CENPK: variants seen among roughly 807,000 people sequenced by gnomAD.
The protein encoded by CENPK is SoxLZ/Sox6-binding protein Solt.
CENPK carries 46 observed loss-of-function variants against 40.9 expected under a neutral mutation model. That is an observed-to-expected ratio of 1.13 (90% CI 0.89 to 1.44). The LOEUF is 1.44. Among genes scored for constraint, CENPK ranks in the 40% most tolerant of loss-of-function variants. CENPK has a pLI of 0.00. For synonymous variants in CENPK, 107 were observed against 104.4 expected (o/e 1.02, Z -0.15); for missense variants, 288 against 303.5 (o/e 0.95, Z 0.38).
intron 5 of CENPK, among the ~76,000 whole-genome samples, chr5:65,548,006 AAAG>A (rs1481902433): frequency 6.6e-6 from 1 of 152,214 alleles, no homozygotes; most frequent in Non-Finnish European, 1.5e-5. Context: ...ATAAGCCTAC[AAAG>A]AAGACTAAGA....
rs1401876701 is a variant in CENPK, at chr5:65,561,501, A to C, written c.-78T>G. 2 of 455,930 alleles carry C rather than the reference A, an allele frequency of 4.4e-6. No homozygotes were observed. The highest frequency in any genetic ancestry group is 4.0e-5 in the African/African-American group (2 of 50,060). The allele number at this position is 455,930 out of a possible 1,614,324, so 28.2% of individuals were successfully genotyped here. On this transcript the variant is annotated 5_prime_UTR_variant, in exon 2 of 11. Transcript: ENST00000396679. ...AAGATGTAAGCTGTATGTAACCTGGAAGAGGGTCATCAACAGAACCAGAAA... is the reference window on the plus strand; with the variant it reads ...AAGATGTAAGCTGTATGTAACCTGGCAGAGGGTCATCAACAGAACCAGAAA...
chr5:65,500,623 T>C, the CENPK span, among the ~76,000 whole-genome samples: 1 of 152,156 alleles, frequency 6.6e-6, no homozygotes, highest in Non-Finnish European at 1.5e-5. Flanking sequence ...TTGTCTCTGT[T>C]AATCAGATTA....
intron 6 of CENPK, among the ~76,000 whole-genome samples, chr5:65,532,722 C>A (rs958750702): frequency 6.6e-6 from 1 of 151,320 alleles, no homozygotes; most frequent in Non-Finnish European, 1.5e-5. Flanking sequence ...CCAGCCTGAC[C>A]AACATGGAGA....
chr5:65,500,666 TTTTG>T, the CENPK span, among the ~76,000 whole-genome samples: 13 of 152,176 alleles, frequency 8.5e-5, no homozygotes, highest in South Asian at 2.1e-4. Flanking sequence ...TTTTTCGGTT[TTTTG>T]TTTGTTTGTT....
downstream of CENPK, among the ~76,000 whole-genome samples, chr5:65,516,652 T>C (rs564099260): frequency 6.6e-6 from 1 of 152,230 alleles, no homozygotes; most frequent in Admixed American, 6.5e-5. Context: ...AGTATCTGCA[T>C]TTTTTGTATA....
intron 2 of CENPK, among the ~76,000 whole-genome samples, chr5:65,556,603 C>A (rs1220265045): frequency 6.6e-6 from 1 of 152,080 alleles, no homozygotes; most frequent in Admixed American, 6.5e-5. Flanking sequence ...AAACTTACAG[C>A]AAGCTAAGGT....
intron 6 of CENPK, among the ~76,000 whole-genome samples, chr5:65,532,461 C>A (rs1254764152): frequency 1.3e-5 from 2 of 152,106 alleles, no homozygotes; most frequent in Non-Finnish European, 2.9e-5. Context: ...AAGAAAACCA[C>A]AGACCAATAT....
intron 10 of CENPK, among the ~76,000 whole-genome samples, chr5:65,520,813 T>C (rs1450819024): frequency 1.3e-5 from 2 of 152,206 alleles, no homozygotes; most frequent in Admixed American, 6.5e-5. Context: ...TACCCTGTTC[T>C]TCATAAATTA....
intron 5 of CENPK, among the ~76,000 whole-genome samples, chr5:65,549,421 T>A (rs2150499944): frequency 6.6e-6 from 1 of 152,330 alleles, no homozygotes; most frequent in Non-Finnish European, 1.5e-5. Context: ...CTAGTCCTTA[T>A]CAAGAGAGTC....
At chr5:65,529,505 T>C in intron 6 of CENPK, 1 of 215,008 alleles carries the variant, frequency 4.7e-6, no homozygotes, top group Non-Finnish European at 9.2e-6. Context: ...CTTTTTTTTT[T>C]TTGAGACAGT....
chr5:65,527,104 A>G (rs1266810635), intron 9 of CENPK, among the ~76,000 whole-genome samples: 1 of 152,120 alleles, frequency 6.6e-6, no homozygotes, highest in Non-Finnish European at 1.5e-5. Flanking sequence ...CCCCAAAAAT[A>G]AAAATAAATA....
At chr5:65,535,553 C>A (rs1399986584) in intron 6 of CENPK, among the ~76,000 whole-genome samples, 1 of 152,106 alleles carries the variant, frequency 6.6e-6, no homozygotes, top group African/African-American at 2.4e-5. Flanking sequence ...TGACTGACTC[C>A]CAATAAAAAC....
chr5:65,536,947 T>C (rs1747023481), intron 6 of CENPK, among the ~76,000 whole-genome samples: 1 of 152,208 alleles, frequency 6.6e-6, no homozygotes. Context: ...ATTAATGCCA[T>C]AATTGCCAGA....
intron 10 of CENPK, among the ~76,000 whole-genome samples, chr5:65,519,801 T>A (rs1743388992): frequency 6.6e-6 from 1 of 152,238 alleles, no homozygotes; most frequent in African/African-American, 2.4e-5. Context: ...TTGAGTATCA[T>A]AATATAGAAT....
intron 5 of CENPK, chr5:65,550,779 T>C (rs1244369689): frequency 6.6e-6 from 1 of 151,910 alleles, no homozygotes; most frequent in Non-Finnish European, 1.5e-5. Context: ...AAAAAAAAGA[T>C]GTACTAGTGG....
chr5:65,523,429 T>C (rs1221326058), intron 9 of CENPK, among the ~76,000 whole-genome samples: 1 of 152,270 alleles, frequency 6.6e-6, no homozygotes, highest in African/African-American at 2.4e-5. Context: ...ACCATGGAAT[T>C]CTTATAAAGC....
intron 9 of CENPK, among the ~76,000 whole-genome samples, chr5:65,523,683 A>C (rs1397938983): frequency 6.6e-6 from 1 of 152,208 alleles, no homozygotes; most frequent in Non-Finnish European, 1.5e-5. Context: ...CAGAAGAAAA[A>C]TATAAAAGAA....
intron 9 of CENPK, among the ~76,000 whole-genome samples, chr5:65,526,481 T>C (rs1744730605): frequency 6.6e-6 from 1 of 152,196 alleles, no homozygotes; most frequent in Admixed American, 6.5e-5. Context: ...GAACTTTTTC[T>C]CCTTTTCCTA....
intron 6 of CENPK, among the ~76,000 whole-genome samples, chr5:65,530,094 C>T (rs1381230811): frequency 1.3e-5 from 2 of 151,326 alleles, no homozygotes; most frequent in African/African-American, 2.4e-5. Context: ...TGAGCCACCA[C>T]GCCCGGCCCC....
Sources: gnomAD v4.1 joint callset for allele counts (sites outside exome capture counted in the v4.1 genomes callset) on GRCh38, gnomAD v4.1.1 for gene constraint, MANE v1.5 for transcripts, NCBI Gene and HGNC (gene_info 2026-07-23, HGNC 2026-07-21) for gene names.